The following ABAT variants were observed in gnomAD, a reference collection of about 807,000 sequenced individuals.
The protein encoded by ABAT is 4-aminobutyrate aminotransferase.
In ABAT, 45 loss-of-function variants were observed where a neutral mutation model predicts 64.6. That is an observed-to-expected ratio of 0.70 (90% CI 0.55 to 0.89). ABAT has a LOEUF of 0.89. Among genes scored for constraint, ABAT ranks in the 40% least tolerant of loss-of-function variants. ABAT has a pLI of 0.00. For missense variants in ABAT, 633 were observed against 658.4 expected (o/e 0.96, Z 0.42); for synonymous variants, 297 against 250.5 (o/e 1.19, Z -1.75).
chr16:8,768,325 G>A (rs557781212), intron 10 of ABAT, 69 bp downstream of exon 10: 10 of 1,510,582 alleles, frequency 6.6e-6, no homozygotes, highest in South Asian at 3.4e-5. Flanking sequence ...CAATAGCGGC[G>A]GCTGACATTA....
chr16:8,706,804 A>T (rs963699099), intron 1 of ABAT, among the ~76,000 whole-genome samples: 1 of 152,256 alleles, frequency 6.6e-6, no homozygotes, highest in African/African-American at 2.4e-5. Context: ...TTACAGCAAG[A>T]CAATTGTATA....
rs2059940713 is a variant in ABAT, at chr16:8,766,280, G to T, written c.603+10G>T. The T allele has an allele frequency of 1.2e-6, 2 of 1,613,106 alleles. No individual in the cohort carries two copies. The highest frequency in any genetic ancestry group is 4.5e-5 in the East Asian group (2 of 44,882). On this transcript the variant is annotated intron_variant, in intron 9 of 15. Coordinates refer to ENST00000268251, the MANE Select transcript of ABAT (RefSeq NM_020686.6). ...GTGCATGATTAACCAGGTGAGTGCA[G>T]CTGGGCTTGCACCACGTACATCTGG...
At chr16:8,676,177 C>T (rs915563922) in intron 1 of ABAT, among the ~76,000 whole-genome samples, 2 of 151,992 alleles carry the variant, frequency 1.3e-5, no homozygotes, top group African/African-American at 4.8e-5. Context: ...TTCTCGAGGC[C>T]CAAAGAGGTT....
intron 11 of ABAT, among the ~76,000 whole-genome samples, chr16:8,769,557 CAAAAA>C (rs35002036): frequency 5.8e-5 from 5 of 86,766 alleles, no homozygotes; most frequent in African/African-American, 1.4e-4. Flanking sequence ...AGACTCTGTC[CAAAAA>C]AAAAAAAAAA....
intron 1 of ABAT, among the ~76,000 whole-genome samples, chr16:8,700,347 A>T (rs1367856072): frequency 6.6e-6 from 1 of 152,164 alleles, no homozygotes; most frequent in Non-Finnish European, 1.5e-5. Flanking sequence ...AACATAGCAA[A>T]GTGCACTAAA....
chr16:8,764,407 A>G lies in ABAT; in HGVS notation c.447+258A>G, dbSNP rs1006754150. On this transcript the variant is annotated intron_variant, in intron 7 of 15. Transcript: ENST00000268251. The surrounding 1 kb of genome is among the most constrained non-coding windows in gnomAD (Gnocchi z 4.2). The stretch of plus-strand genomic sequence containing the variant: ...GCATATGTCATTCAATCCTGCCCCC[A>G]CTTCTCGGTTTTAGTTACTACAAAC... Among the ~76,000 whole-genome samples, 1 of 151,978 alleles carries G rather than the reference A, an allele frequency of 6.6e-6. No individual in the cohort carries two copies. The highest frequency in any genetic ancestry group is 1.5e-5 in the Non-Finnish European group (1 of 67,986).
chr16:8,735,552 A>G (rs1369892271), intron 1 of ABAT, 147 bp from the exon 2 acceptor site: 5 of 728,846 alleles, frequency 6.9e-6, no homozygotes, highest in Non-Finnish European at 1.2e-5. Context: ...GGCCTAATAT[A>G]TAAAGTCCAT....
At chr16:8,740,004 T>C (rs1237673640) in intron 2 of ABAT, among the ~76,000 whole-genome samples, 1 of 151,150 alleles carries the variant, frequency 6.6e-6, no homozygotes, top group Non-Finnish European at 1.5e-5. Flanking sequence ...CGTACACTGC[T>C]ATTAGGCAAG....
intron 1 of ABAT, among the ~76,000 whole-genome samples, chr16:8,680,177 C>T (rs1024963906): frequency 3.3e-5 from 5 of 152,096 alleles, no homozygotes; most frequent in Admixed American, 1.3e-4. Flanking sequence ...ACATCCTATT[C>T]TTCCTGGGTC....
chr16:8,679,435 C>A (rs1039575162), intron 1 of ABAT, among the ~76,000 whole-genome samples: 1 of 151,214 alleles, frequency 6.6e-6, no homozygotes, highest in Non-Finnish European at 1.5e-5. Flanking sequence ...CTTCCACCCA[C>A]GTGATGACCT....
intron 2 of ABAT, among the ~76,000 whole-genome samples, chr16:8,745,174 G>A (rs756914189): frequency 6.6e-6 from 1 of 152,002 alleles, no homozygotes; most frequent in Non-Finnish European, 1.5e-5. Context: ...TAGAGATGGG[G>A]TTTCACCACG....
chr16:8,768,137 A>T lies in ABAT; in HGVS notation c.604-56A>T. On this transcript the variant is annotated intron_variant, in intron 9 of 15. Coordinates refer to ENST00000268251, the MANE Select transcript of ABAT (RefSeq NM_020686.6). ...TCCCTCTGGACTTGCAGGGGCAACA[A>T]TACAGTTCCCCCATCCTTACAACTA... 3.2e-6 allele frequency: 5 copies of T among 1,540,210 alleles called. No individual in the cohort carries two copies. The South Asian group carries it at 5.6e-5, about 17-fold the overall frequency.
In ABAT at chr16:8,768,196, C is replaced by G. The variant is rs1461097619; in HGVS notation, c.607C>G (p.Pro203Ala). The G allele has an allele frequency of 1.2e-6, 2 of 1,614,062 alleles. No individual in the cohort carries two copies. Among genetic ancestry groups the G allele is most frequent in the Admixed American group, 3.3e-5 (2 of 60,014 alleles). Residue 203 changes from proline (P) to alanine (A), a missense_variant, in exon 10 of 16, where the codon CCT becomes GCT. Pro to Ala is a conservative substitution (Grantham distance 27). Coordinates refer to ENST00000268251, the MANE Select transcript of ABAT (RefSeq NM_020686.6). The stretch of plus-strand genomic sequence containing the variant: ...GACTGATATTTCTTGGTTTTAGGCC[C>G]CTGGCTGCCCCGACTACAGCATCCT... ...ELETCMINQAPGCPDYSILSF... is the reference protein window; with the variant it reads ...ELETCMINQAAGCPDYSILSF...
At chr16:8,767,699 G>C (rs1437822963) in intron 9 of ABAT, among the ~76,000 whole-genome samples, 1 of 152,066 alleles carries the variant, frequency 6.6e-6, no homozygotes, top group Non-Finnish European at 1.5e-5. Context: ...TTTTGAGACA[G>C]AGTCTCGCTC....
intron 1 of ABAT, among the ~76,000 whole-genome samples, chr16:8,731,002 A>C (rs1248285113): frequency 2.0e-5 from 3 of 152,184 alleles, no homozygotes; most frequent in Non-Finnish European, 4.4e-5. Flanking sequence ...TCACTCTATC[A>C]CCCAGACTGG....
chr16:8,693,275 C>T (rs1454241999), intron 1 of ABAT, among the ~76,000 whole-genome samples: 4 of 152,138 alleles, frequency 2.6e-5, no homozygotes, highest in Admixed American at 2.6e-4. Flanking sequence ...TTTTATGCAT[C>T]CATGACATAC....
intron 1 of ABAT, among the ~76,000 whole-genome samples, chr16:8,712,492 G>C (rs1048167728): frequency 1.3e-5 from 2 of 152,172 alleles, no homozygotes; most frequent in Non-Finnish European, 2.9e-5. Context: ...ATGGGAAATG[G>C]TCTAGGCGCC....
chr16:8,731,907 G>A (rs1385242885), intron 1 of ABAT, among the ~76,000 whole-genome samples: 1 of 152,024 alleles, frequency 6.6e-6, no homozygotes, highest in Non-Finnish European at 1.5e-5. Flanking sequence ...AGGCTGGAGT[G>A]CAGTGGTGCG....
chr16:8,752,023 C>T (rs1033713266), intron 5 of ABAT, among the ~76,000 whole-genome samples: 2 of 152,154 alleles, frequency 1.3e-5, no homozygotes, highest in Non-Finnish European at 2.9e-5. Flanking sequence ...TCTTCTGCTG[C>T]AGAAGAGCCC....
Sources: allele counts gnomAD v4.1 joint callset (sites outside exome capture counted in the v4.1 genomes callset), GRCh38; gene constraint gnomAD v4.1.1; non-coding constraint Gnocchi (gnomAD v3.1); transcripts MANE v1.5; gene names NCBI Gene and HGNC (gene_info 2026-07-23, HGNC 2026-07-21).